MAGI2: variants seen among roughly 807,000 people sequenced by gnomAD.
MAGI2 encodes membrane associated guanylate kinase, WW and PDZ domain containing 2, also known as membrane-associated guanylate kinase, WW and PDZ domain-containing protein 2.
A neutral mutation model predicts 133.3 loss-of-function variants in MAGI2; 35 were observed. The ratio of observed to expected loss-of-function variants is 0.26; its 90% CI spans 0.20 to 0.35. MAGI2 has a LOEUF of 0.35. MAGI2 is among the 10% of genes least tolerant of loss of function. The pLI, the probability that MAGI2 is intolerant of heterozygous loss-of-function variation, is 1.00. For synonymous variants in MAGI2, 729 were observed against 710.6 expected (o/e 1.03, Z -0.41); for missense variants, 1,636 against 1,863.4 (o/e 0.88, Z 2.25).
At chr7:79,001,838 C>T (rs1806888954) in intron 2 of MAGI2, among the ~76,000 whole-genome samples, 1 of 152,258 alleles carries the variant, frequency 6.6e-6, no homozygotes, top group Non-Finnish European at 1.5e-5. Context: ...ATGAAACAAT[C>T]CTGTTTAATC....
chr7:78,318,002 A>T (rs534664547), intron 9 of MAGI2, among the ~76,000 whole-genome samples: 167 of 152,344 alleles, frequency 1.1e-3, no homozygotes, highest in African/African-American at 3.9e-3. Flanking sequence ...AGATAAATCC[A>T]TGAAGATGAG....
At chr7:79,366,157 G>A (rs999487337) in intron 1 of MAGI2, among the ~76,000 whole-genome samples, 4 of 151,908 alleles carry the variant, frequency 2.6e-5, no homozygotes, top group Admixed American at 1.3e-4. Context: ...TGGGAGGATC[G>A]CTTGAGCCCA....
At chr7:78,498,766 T>C (rs1303922778) in intron 5 of MAGI2, among the ~76,000 whole-genome samples, 1 of 152,010 alleles carries the variant, frequency 6.6e-6, no homozygotes, top group African/African-American at 2.4e-5. Flanking sequence ...TGGAGGGTGT[T>C]GGGGAGCAGG....
intron 1 of MAGI2, among the ~76,000 whole-genome samples, chr7:79,124,230 A>G (rs957305702): frequency 3.3e-5 from 5 of 152,158 alleles, no homozygotes; most frequent in Non-Finnish European, 5.9e-5. Flanking sequence ...CTAAAACACC[A>G]TTGTTTAGTG....
chr7:79,074,885 T>G (rs1481450585), intron 1 of MAGI2, among the ~76,000 whole-genome samples: 1 of 152,218 alleles, frequency 6.6e-6, no homozygotes, highest in Admixed American at 6.5e-5. Flanking sequence ...GCTTAATTAA[T>G]GAAGATATTT....
intron 2 of MAGI2, among the ~76,000 whole-genome samples, chr7:78,965,981 C>A (rs373718505): frequency 4.6e-5 from 7 of 151,932 alleles, no homozygotes; most frequent in African/African-American, 1.7e-4. Flanking sequence ...CTAAAGTATT[C>A]AGGATATAAG....
intron 2 of MAGI2, among the ~76,000 whole-genome samples, chr7:78,672,559 G>A (rs1814519777): frequency 6.6e-6 from 1 of 152,140 alleles, no homozygotes; most frequent in Non-Finnish European, 1.5e-5. Flanking sequence ...AAAATGGCTG[G>A]TTTCATCTAT....
chr7:79,091,504 A>G (rs1476368744), intron 1 of MAGI2, among the ~76,000 whole-genome samples: 2 of 152,188 alleles, frequency 1.3e-5, no homozygotes, highest in Non-Finnish European at 2.9e-5. Context: ...ATTTCTTACT[A>G]TAAGCAGTTG....
rs576918316 is a variant in MAGI2, at chr7:78,633,159, C to T, written c.419-5920G>A. 2.6e-3 allele frequency among the ~76,000 whole-genome samples: 400 copies of T among 152,266 alleles called. 3 individuals are homozygous for T. The highest frequency in any genetic ancestry group is 6.8e-3 in the Middle Eastern group (2 of 294). ...TGGACGAACAGAAAACCAGATACTGCGTGTTCTCACTTATAAGTGGGAGCT... is the reference window on the plus strand; with the variant it reads ...TGGACGAACAGAAAACCAGATACTGTGTGTTCTCACTTATAAGTGGGAGCT... On this transcript the variant is annotated intron_variant, in intron 2 of 21. Coordinates refer to ENST00000354212, the MANE Select transcript of MAGI2 (RefSeq NM_012301.4).
At chr7:78,866,871 G>C (rs55935097) in intron 2 of MAGI2, among the ~76,000 whole-genome samples, 62 of 152,202 alleles carry the variant, frequency 4.1e-4, no homozygotes, top group Non-Finnish European at 7.5e-4. Context: ...CCATCAAAAA[G>C]TGGGTGAAGG....
chr7:79,367,260 T>G (rs1056976191), intron 1 of MAGI2, among the ~76,000 whole-genome samples: 1 of 152,242 alleles, frequency 6.6e-6, no homozygotes. Flanking sequence ...TGGATTAAAC[T>G]AATGGGGTAC....
intron 21 of MAGI2, among the ~76,000 whole-genome samples, chr7:78,035,762 C>A (rs1248825323): frequency 7.4e-6 from 1 of 134,416 alleles, no homozygotes; most frequent in Non-Finnish European, 1.6e-5. Context: ...TTTTTTTTTA[C>A]TTTATTGTAG....
intron 1 of MAGI2, among the ~76,000 whole-genome samples, chr7:79,301,713 T>A (rs1837409240): frequency 6.6e-6 from 1 of 152,212 alleles, no homozygotes. Flanking sequence ...GACATAAGAT[T>A]TTGAAAGGGC....
At chr7:78,128,451 T>C (rs971330028) in intron 18 of MAGI2, among the ~76,000 whole-genome samples, 2 of 152,170 alleles carry the variant, frequency 1.3e-5, no homozygotes, top group Non-Finnish European at 2.9e-5. Context: ...AACAATTTTA[T>C]CTAAAATTAA....
intron 10 of MAGI2, among the ~76,000 whole-genome samples, chr7:78,204,482 A>T (rs1829548093): frequency 6.6e-6 from 1 of 152,160 alleles, no homozygotes; most frequent in African/African-American, 2.4e-5. Context: ...TATAAAACCA[A>T]GTTTATAGAA....
chr7:79,084,535 T>G (rs1816316864), intron 1 of MAGI2, among the ~76,000 whole-genome samples: 1 of 151,768 alleles, frequency 6.6e-6, no homozygotes, highest in African/African-American at 2.4e-5. Context: ...CTTCAGTTTT[T>G]CAATGTTTAC....
At chr7:79,152,277 T>A (rs1823329488) in intron 1 of MAGI2, among the ~76,000 whole-genome samples, 1 of 152,198 alleles carries the variant, frequency 6.6e-6, no homozygotes, top group African/African-American at 2.4e-5. Context: ...TATTTTTTCA[T>A]TGACTAAAAA....
chr7:78,497,742 A>ATCTG (rs1234566826), intron 5 of MAGI2, among the ~76,000 whole-genome samples: 5 of 120,226 alleles, frequency 4.2e-5, no homozygotes, highest in South Asian at 2.6e-4. Flanking sequence ...CTATCTATCT[A>ATCTG]TCTATCTATC....
intron 2 of MAGI2, among the ~76,000 whole-genome samples, chr7:78,860,381 T>C (rs889572772): frequency 1.3e-5 from 2 of 152,214 alleles, no homozygotes; most frequent in Non-Finnish European, 2.9e-5. Context: ...TGGTTTTATC[T>C]ACCTTTGGTC....
Sources: allele counts gnomAD v4.1 joint callset (sites outside exome capture counted in the v4.1 genomes callset), GRCh38; gene constraint gnomAD v4.1.1; transcripts MANE v1.5; gene names NCBI Gene and HGNC (gene_info 2026-07-23, HGNC 2026-07-21).